WDR72: variants seen among roughly 807,000 people sequenced by gnomAD.
WDR72 encodes WD repeat domain 72.
WDR72 carries 120 observed loss-of-function variants against 124.2 expected under a neutral mutation model. The observed-to-expected ratio is 0.97, with a 90% CI of 0.83 to 1.12. The LOEUF is 1.12. WDR72 is among the 50% of genes most tolerant of loss of function. The pLI is 0.00. For synonymous variants in WDR72, 452 were observed against 441.7 expected (o/e 1.02, Z -0.29); for missense variants, 1,387 against 1,278.8 (o/e 1.08, Z -1.29).
chr15:53,623,384 CTGT>C (rs1272158725), intron 14 of WDR72, among the ~76,000 whole-genome samples: 7 of 151,894 alleles, frequency 4.6e-5, no homozygotes, highest in Non-Finnish European at 8.8e-5. Flanking sequence ...CTTTCTGTTC[CTGT>C]GTTAATTAAC....
chr15:53,591,120 C>T (rs1420992263), intron 18 of WDR72, among the ~76,000 whole-genome samples: 5 of 151,962 alleles, frequency 3.3e-5, no homozygotes, highest in Non-Finnish European at 5.9e-5. Context: ...CTTCAGCTCC[C>T]AGTTTAGGCA....
intron 18 of WDR72, among the ~76,000 whole-genome samples, chr15:53,575,028 CA>C (rs1894699246): frequency 2.0e-5 from 3 of 151,700 alleles, no homozygotes; most frequent in African/African-American, 2.4e-5. Flanking sequence ...CACACACACA[CA>C]CACACACACA....
chr15:53,638,539 A>G (rs1218149233), intron 14 of WDR72, among the ~76,000 whole-genome samples: 1 of 150,704 alleles, frequency 6.6e-6, no homozygotes, highest in East Asian at 2.0e-4. Context: ...ATATCCTTCT[A>G]GATTTGTAAT....
intron 18 of WDR72, among the ~76,000 whole-genome samples, chr15:53,537,547 GTC>G (rs370984903): frequency 1.7e-4 from 26 of 152,176 alleles, no homozygotes; most frequent in African/African-American, 4.8e-4. Flanking sequence ...TTACCTTTCT[GTC>G]TCTGTTTCTT....
In WDR72 at chr15:53,518,154, G is replaced by A. The variant is rs530811827; in HGVS notation, c.3254-400C>T. Reference sequence around the variant, plus strand: ...GTTCTTAGAAAAATCCACAACTGCAGTTTTAGGGTCAAAATTTATTAGTTG... The same window carrying A: ...GTTCTTAGAAAAATCCACAACTGCAATTTTAGGGTCAAAATTTATTAGTTG... On this transcript the variant is annotated intron_variant, in intron 19 of 19. Coordinates refer to ENST00000360509, the MANE Select transcript of WDR72 (RefSeq NM_182758.4). 2.3e-4 allele frequency among the ~76,000 whole-genome samples: 35 copies of A among 151,988 alleles called. No homozygotes were observed. In the East Asian group the frequency reaches 6.8e-3, roughly 30 times the overall value.
intron 9 of WDR72, 118 bp from the exon 10 acceptor site, chr15:53,706,192 C>T (rs1010384623): frequency 9.3e-5 from 108 of 1,158,668 alleles, no homozygotes; most frequent in Non-Finnish European, 1.3e-4. Flanking sequence ...TTATTTCCCA[C>T]TCTTTTGACA....
intron 18 of WDR72, among the ~76,000 whole-genome samples, chr15:53,559,306 T>C (rs1383257054): frequency 6.6e-6 from 1 of 152,046 alleles, no homozygotes; most frequent in Non-Finnish European, 1.5e-5. Flanking sequence ...CATGTGGATT[T>C]TTTTTAAAGT....
chr15:53,675,010 G>T (rs1341204806), intron 13 of WDR72, among the ~76,000 whole-genome samples: 1 of 152,158 alleles, frequency 6.6e-6, no homozygotes, highest in African/African-American at 2.4e-5. Flanking sequence ...AGCAAAGAAT[G>T]CATTAATTTT....
chr15:53,750,806 T>C (rs914135698), intron 1 of WDR72, among the ~76,000 whole-genome samples: 1 of 151,958 alleles, frequency 6.6e-6, no homozygotes, highest in African/African-American at 2.4e-5. Flanking sequence ...GCAGACGTGG[T>C]GGAAATAGCA....
At chr15:53,627,493 A>G (rs1045312954) in intron 14 of WDR72, among the ~76,000 whole-genome samples, 1 of 152,244 alleles carries the variant, frequency 6.6e-6, no homozygotes, top group African/African-American at 2.4e-5. Flanking sequence ...ACTAACAGTG[A>G]TAGCAGAACT....
At chr15:53,616,951 T>C (rs2013791640) in intron 14 of WDR72, among the ~76,000 whole-genome samples, 1 of 151,940 alleles carries the variant, frequency 6.6e-6, no homozygotes, top group Non-Finnish European at 1.5e-5. Flanking sequence ...ATTGTATGTT[T>C]CCTCCACTAG....
chr15:53,541,121 A>C (rs56003347), intron 18 of WDR72: 24,781 of 154,202 alleles, frequency 0.16, 2,639 homozygotes, highest in East Asian at 0.34. Context: ...CCGGGAAGCT[A>C]GAACTGGGTG....
rs575141490 is a variant in WDR72, at chr15:53,583,859, G to A, written c.3148+13220C>T. Among the ~76,000 whole-genome samples, 38 of 152,114 alleles carry A rather than the reference G, an allele frequency of 2.5e-4. 1 individual carries two copies. The highest frequency in any genetic ancestry group is 8.9e-4 in the African/African-American group (37 of 41,546). ...ATGGCTTGAAGAGATGGATCATGAG[G>A]TTTAACCTTTGAAATTATTCATTGA... On this transcript the variant is annotated intron_variant, in intron 18 of 19. Transcript: ENST00000360509.
chr15:53,655,942 C>A (rs150746763), intron 14 of WDR72, among the ~76,000 whole-genome samples: 1 of 152,210 alleles, frequency 6.6e-6, no homozygotes, highest in Non-Finnish European at 1.5e-5. Flanking sequence ...CCACCCACCT[C>A]GGCCTCCCAA....
chr15:53,531,065 C>T (rs1228927846), intron 18 of WDR72, among the ~76,000 whole-genome samples: 1 of 152,034 alleles, frequency 6.6e-6, no homozygotes, highest in Non-Finnish European at 1.5e-5. Context: ...AAGAAAATCA[C>T]ATTATCTAGA....
intron 19 of WDR72, among the ~76,000 whole-genome samples, chr15:53,522,692 T>C (rs902651215): frequency 3.9e-5 from 6 of 152,062 alleles, no homozygotes; most frequent in Non-Finnish European, 8.8e-5. Flanking sequence ...TTTTATTGCA[T>C]GAGAGAAGGG....
intron 18 of WDR72, among the ~76,000 whole-genome samples, chr15:53,523,699 C>G (rs1891945568): frequency 6.6e-6 from 1 of 151,994 alleles, no homozygotes. Flanking sequence ...ATTAGAAAGA[C>G]CAGCTCTGTA....
At position 53,549,990 on chromosome 15, in the gene WDR72, TCC is replaced by T. The variant is rs139211943; in HGVS notation, c.3149-26670_3149-26669del. Among the ~76,000 whole-genome samples the T allele has an allele frequency of 5.4e-3, 816 of 152,290 alleles. 19 individuals are homozygous for T. Among genetic ancestry groups the T allele is most frequent in the Admixed American group, 0.04 (613 of 15,286 alleles). ...TACTTTCCTGAGTGAACTTTTGGTG[TCC>T]CCTTTCATAATATAAGCTCCAGAAA... is the stretch of plus-strand genomic sequence containing the variant. On this transcript the variant is annotated intron_variant, in intron 18 of 19. Coordinates refer to ENST00000360509, the MANE Select transcript of WDR72 (RefSeq NM_182758.4).
intron 14 of WDR72, among the ~76,000 whole-genome samples, chr15:53,643,672 G>C (rs922338004): frequency 2.0e-5 from 3 of 152,028 alleles, no homozygotes; most frequent in Non-Finnish European, 4.4e-5. Flanking sequence ...CCTAGGGCTA[G>C]TCTCAGAATA....
Sources: gnomAD v4.1 joint callset for allele counts (sites outside exome capture counted in the v4.1 genomes callset) on GRCh38, gnomAD v4.1.1 for gene constraint, MANE v1.5 for transcripts, NCBI Gene and HGNC (gene_info 2026-07-23, HGNC 2026-07-21) for gene names.